Variants in BCAS3 observed in about 807,000 individuals in gnomAD.
BCAS3 encodes the protein BCAS4/BCAS3 fusion.
A neutral mutation model predicts 116.1 loss-of-function variants in BCAS3; 53 were observed. The ratio of observed to expected loss-of-function variants is 0.46; its 90% CI spans 0.37 to 0.57. The LOEUF (loss-of-function observed/expected upper bound fraction) is 0.57. BCAS3 is among the 20% of genes least tolerant of loss of function. BCAS3 has a pLI of 0.00. For missense variants in BCAS3, 917 were observed against 1,165.4 expected, an observed-to-expected ratio of 0.79 and a Z score of 3.10; for synonymous variants, 391 against 408.2, an observed-to-expected ratio of 0.96 and a Z score of 0.51.
At chr17:61,024,209 A>G (rs985235554) in intron 16 of BCAS3, among the ~76,000 whole-genome samples, 2 of 152,186 alleles carry the variant, frequency 1.3e-5, no homozygotes, top group Admixed American at 6.5e-5. Flanking sequence ...AGCTGACACT[A>G]TCCATACAAA....
At chr17:61,003,348 GC>G (rs2064397398) in intron 15 of BCAS3, among the ~76,000 whole-genome samples, 1 of 146,782 alleles carries the variant, frequency 6.8e-6, no homozygotes, top group South Asian at 2.2e-4. Context: ...AAATTTTGAA[GC>G]TTTTTTGTGC....
chr17:60,740,262 AG>A (rs1160779102), intron 5 of BCAS3, among the ~76,000 whole-genome samples: 1 of 152,022 alleles, frequency 6.6e-6, no homozygotes, highest in Non-Finnish European at 1.5e-5. Context: ...TGGGAGAGTG[AG>A]GCGGGTGGAT....
At chr17:60,733,645 C>T (rs905454018) in intron 5 of BCAS3, among the ~76,000 whole-genome samples, 3 of 152,010 alleles carry the variant, frequency 2.0e-5, no homozygotes, top group African/African-American at 4.8e-5. Flanking sequence ...AGCTTGAGAC[C>T]AGCCTGGGCA....
At position 60,956,412 on chromosome 17, in the gene BCAS3, T is replaced by TA. The variant is rs1483321023; in HGVS notation, c.1221+9061dup. Among the ~76,000 whole-genome samples the TA allele has an allele frequency of 3.9e-5, 6 of 152,248 alleles. No homozygotes were observed. Among genetic ancestry groups the TA allele is most frequent in the Non-Finnish European group, 8.8e-5 (6 of 68,028 alleles). ...GTGCTGCTGGGCACATTTTATTTCT[T>TA]ACCTCTTTTTCAAATCCCATCCCAT... is the stretch of plus-strand genomic sequence containing the variant. On this transcript the variant is annotated intron_variant, in intron 14 of 23. Transcript: ENST00000407086. This position sits in a 1 kb window ranked among gnomAD's most constrained non-coding sequence, Gnocchi z 4.2.
At chr17:61,236,764 T>TA (rs146982159) in intron 22 of BCAS3, among the ~76,000 whole-genome samples, 10,213 of 142,822 alleles carry the variant, frequency 0.072, 388 homozygotes, top group Non-Finnish European at 0.094. Context: ...ATGGAGAAGG[T>TA]AAAAAAAAAA....
intron 20 of BCAS3, 80 bp downstream of exon 20, chr17:61,075,100 AAG>A: frequency 2.2e-5 from 25 of 1,129,360 alleles, no homozygotes; most frequent in Non-Finnish European, 2.8e-5. Flanking sequence ...TTAGAGGTAA[AAG>A]GGGAGAATTG....
At chr17:61,301,133 GT>G (rs1334638826) in intron 22 of BCAS3, among the ~76,000 whole-genome samples, 1 of 152,160 alleles carries the variant, frequency 6.6e-6, no homozygotes, top group African/African-American at 2.4e-5. Context: ...CCCACAGACT[GT>G]TTTGTAAATA....
intron 6 of BCAS3, among the ~76,000 whole-genome samples, chr17:60,778,878 G>A (rs1378420888): frequency 6.6e-6 from 1 of 152,154 alleles, no homozygotes. Flanking sequence ...ATATGATTTT[G>A]TGGGATGATA....
chr17:60,896,257 G>A (rs906313701), intron 10 of BCAS3, among the ~76,000 whole-genome samples: 9 of 152,184 alleles, frequency 5.9e-5, no homozygotes, highest in African/African-American at 2.2e-4. Context: ...CCCAGGAGGT[G>A]GAGGTTGTGG....
At chr17:61,172,973 G>C (rs1378896907) in intron 22 of BCAS3, among the ~76,000 whole-genome samples, 2 of 140,168 alleles carry the variant, frequency 1.4e-5, no homozygotes, top group Admixed American at 7.5e-5. Context: ...GGGCGACAGA[G>C]CAAGATTCCA....
At chr17:60,943,800 T>C (rs140172248) in intron 13 of BCAS3, among the ~76,000 whole-genome samples, 81 of 152,264 alleles carry the variant, frequency 5.3e-4, no homozygotes, top group Non-Finnish European at 1.1e-3. Context: ...AGTAACTTCT[T>C]GTCATAATGA....
At chr17:60,954,829 C>G (rs187285092) in intron 14 of BCAS3, among the ~76,000 whole-genome samples, 4 of 152,266 alleles carry the variant, frequency 2.6e-5, no homozygotes, top group Admixed American at 1.3e-4. Flanking sequence ...ACCAAAAATA[C>G]ATACAATGCA....
chr17:60,966,546 T>A (rs988458201), intron 14 of BCAS3, among the ~76,000 whole-genome samples: 1 of 151,914 alleles, frequency 6.6e-6, no homozygotes, highest in Admixed American at 6.6e-5. Flanking sequence ...ATAATAGATA[T>A]AACAAGTTAT....
At chr17:61,231,869 CAAAAAAAAAAA>C (rs72247548) in intron 22 of BCAS3, among the ~76,000 whole-genome samples, 1 of 100,450 alleles carries the variant, frequency 1.0e-5, no homozygotes, top group South Asian at 3.6e-4. Context: ...GACCCTGTCT[CAAAAAAAAAAA>C]AAAAAAAGAA....
intron 4 of BCAS3, among the ~76,000 whole-genome samples, chr17:60,690,341 AG>A (rs772568012): frequency 2.0e-5 from 3 of 152,064 alleles, no homozygotes; most frequent in Non-Finnish European, 4.4e-5. Context: ...AGGTTGAGGC[AG>A]GAGGATCGCT....
At chr17:61,096,080 C>A (rs1201719968) in intron 22 of BCAS3, among the ~76,000 whole-genome samples, 1 of 152,128 alleles carries the variant, frequency 6.6e-6, no homozygotes, top group East Asian at 1.9e-4. Context: ...TCACTGCAAC[C>A]TCCACCTCCA....
chr17:61,067,730 A>C (rs138129343), intron 19 of BCAS3, among the ~76,000 whole-genome samples: 16,382 of 136,864 alleles, frequency 0.12, 962 homozygotes, highest in South Asian at 0.18. Context: ...AACAAACAAA[A>C]AAAAAAAAAA....
intron 22 of BCAS3, among the ~76,000 whole-genome samples, chr17:61,270,517 T>G (rs2050151614): frequency 6.6e-6 from 1 of 152,152 alleles, no homozygotes; most frequent in African/African-American, 2.4e-5. Flanking sequence ...GATACACAGT[T>G]TGCAGATATT....
chr17:60,766,335 T>C (rs1227520744), intron 6 of BCAS3, among the ~76,000 whole-genome samples: 1 of 152,188 alleles, frequency 6.6e-6, no homozygotes, highest in East Asian at 1.9e-4. Context: ...TTATTTACCT[T>C]TGATGGTCTT....
Sources: allele counts gnomAD v4.1 joint callset (sites outside exome capture counted in the v4.1 genomes callset), GRCh38; gene constraint gnomAD v4.1.1; non-coding constraint Gnocchi (gnomAD v3.1); transcripts MANE v1.5; gene names NCBI Gene and HGNC (gene_info 2026-07-23, HGNC 2026-07-21).